Variants in KAZN observed in about 807,000 individuals in gnomAD.
The protein encoded by KAZN is kazrin, periplakin interacting protein.
A neutral mutation model predicts 87.4 loss-of-function variants in KAZN; 40 were observed. That is an observed-to-expected ratio of 0.46 (90% CI 0.36 to 0.60). KAZN has a LOEUF of 0.60. KAZN is among the 20% of genes least tolerant of loss of function. The pLI is 0.00. For missense variants in KAZN, 898 were observed against 1,073.9 expected, an observed-to-expected ratio of 0.84 and a Z score of 2.29; for synonymous variants, 466 against 458.3, an observed-to-expected ratio of 1.02 and a Z score of -0.22.
chr1:14,496,236 C>A (rs752357587), intron 2 of KAZN, among the ~76,000 whole-genome samples: 1 of 152,172 alleles, frequency 6.6e-6, no homozygotes, highest in Non-Finnish European at 1.5e-5. Flanking sequence ...AAAATCCCTG[C>A]TGTGAAGCTA....
chr1:14,328,962 A>G (rs1467210116), intron 2 of KAZN, among the ~76,000 whole-genome samples: 1 of 152,078 alleles, frequency 6.6e-6, no homozygotes, highest in Non-Finnish European at 1.5e-5. Flanking sequence ...AGGACATAGA[A>G]CTCATATTCA....
chr1:14,041,479 C>T (rs543390133), intron 1 of KAZN, among the ~76,000 whole-genome samples: 57 of 152,098 alleles, frequency 3.7e-4, no homozygotes, highest in Admixed American at 1.6e-3. Flanking sequence ...GTATAGAATG[C>T]TCCTCAATGC....
At chr1:14,696,144 A>G (rs1641591749) in intron 1 of KAZN, among the ~76,000 whole-genome samples, 1 of 152,176 alleles carries the variant, frequency 6.6e-6, no homozygotes, top group Non-Finnish European at 1.5e-5. Flanking sequence ...CCCTAGTGTC[A>G]GTATCTCAGC....
chr1:14,188,905 TAGAG>T (rs1217719823), intron 2 of KAZN, among the ~76,000 whole-genome samples: 29 of 152,242 alleles, frequency 1.9e-4, no homozygotes, highest in African/African-American at 5.1e-4. Flanking sequence ...AGTCAGATGA[TAGAG>T]AGCCAAATGT....
intron 2 of KAZN, among the ~76,000 whole-genome samples, chr1:14,243,719 G>T (rs2100585736): frequency 6.6e-6 from 1 of 152,314 alleles, no homozygotes. Context: ...TTTGCAAGCT[G>T]TTGCTAGGGG....
At chr1:14,287,378 T>C (rs1295736867) in intron 2 of KAZN, among the ~76,000 whole-genome samples, 3 of 152,218 alleles carry the variant, frequency 2.0e-5, no homozygotes, top group African/African-American at 7.2e-5. Flanking sequence ...ATAATGCACC[T>C]AGGAATGGGT....
At chr1:14,765,831 A>T (rs1644869201) in intron 1 of KAZN, among the ~76,000 whole-genome samples, 1 of 152,182 alleles carries the variant, frequency 6.6e-6, no homozygotes, top group African/African-American at 2.4e-5. Flanking sequence ...TGCCGAAAGG[A>T]GGCAGCTGAG....
upstream of KAZN, among the ~76,000 whole-genome samples, chr1:14,596,170 T>C (rs1676496171): frequency 6.6e-6 from 1 of 152,138 alleles, no homozygotes. Context: ...CAAAGATGAA[T>C]GACATAAAAA....
intron 1 of KAZN, among the ~76,000 whole-genome samples, chr1:13,908,893 A>G (rs1639544702): frequency 6.6e-6 from 1 of 152,206 alleles, no homozygotes; most frequent in Non-Finnish European, 1.5e-5. Context: ...GCTGGAGAAC[A>G]TAAAATAAAC....
intron 2 of KAZN, among the ~76,000 whole-genome samples, chr1:14,335,048 A>C (rs575881856): frequency 6.6e-6 from 1 of 151,460 alleles, no homozygotes; most frequent in Admixed American, 6.6e-5. Flanking sequence ...CCAGTGTTGG[A>C]GGTGGGGCCT....
chr1:14,724,163 A>C (rs1313878433), intron 1 of KAZN, among the ~76,000 whole-genome samples: 1 of 152,062 alleles, frequency 6.6e-6, no homozygotes, highest in Non-Finnish European at 1.5e-5. Flanking sequence ...GTGCACAATT[A>C]TTTTCTTATT....
chr1:14,337,945 A>G (rs1358031957), intron 2 of KAZN, among the ~76,000 whole-genome samples: 3 of 151,346 alleles, frequency 2.0e-5, no homozygotes, highest in Non-Finnish European at 4.4e-5. Flanking sequence ...TGATCTTAAT[A>G]CCATCTGCTG....
chr1:14,365,969 C>T (rs1226596824), intron 2 of KAZN, among the ~76,000 whole-genome samples: 1 of 152,158 alleles, frequency 6.6e-6, no homozygotes, highest in Admixed American at 6.5e-5. Flanking sequence ...TACCTGGAGG[C>T]CACAGTTATT....
At chr1:14,370,810 G>GAGT (rs1202820387) in intron 2 of KAZN, among the ~76,000 whole-genome samples, 5 of 152,112 alleles carry the variant, frequency 3.3e-5, no homozygotes, top group Admixed American at 3.3e-4. Context: ...TCAGCCTTCT[G>GAGT]AGTAGTTGGG....
At chr1:14,428,502 C>G (rs1665867614) in intron 2 of KAZN, among the ~76,000 whole-genome samples, 13 of 152,090 alleles carry the variant, frequency 8.5e-5, no homozygotes, top group Admixed American at 8.5e-4. Context: ...AAACTGAACC[C>G]TACAAAGATC....
intron 2 of KAZN, among the ~76,000 whole-genome samples, chr1:14,220,140 T>A (rs1396369709): frequency 6.6e-6 from 1 of 152,200 alleles, no homozygotes; most frequent in African/African-American, 2.4e-5. Flanking sequence ...GCTCTCTGTG[T>A]TCTCCTGCCT....
At chr1:14,819,956 C>T (rs978030901) in intron 1 of KAZN, among the ~76,000 whole-genome samples, 1 of 151,900 alleles carries the variant, frequency 6.6e-6, no homozygotes, top group African/African-American at 2.4e-5. Context: ...TTGATCCACC[C>T]GTCTCAGCCT....
chr1:14,082,113 T>G (rs954999773), intron 1 of KAZN, among the ~76,000 whole-genome samples: 1 of 152,128 alleles, frequency 6.6e-6, no homozygotes, highest in Admixed American at 6.5e-5. Flanking sequence ...TGGGGCTGCC[T>G]GGCCACCAAA....
chr1:15,089,539 C>T (rs978496862), intron 8 of KAZN, among the ~76,000 whole-genome samples: 1 of 152,038 alleles, frequency 6.6e-6, no homozygotes, highest in Non-Finnish European at 1.5e-5. Context: ...GAGAGGGGCC[C>T]CTTATTGCCA....
Sources: allele counts gnomAD v4.1 joint callset (sites outside exome capture counted in the v4.1 genomes callset), GRCh38; gene constraint gnomAD v4.1.1; transcripts MANE v1.5; gene names NCBI Gene and HGNC (gene_info 2026-07-23, HGNC 2026-07-21).